Variants in HACE1 observed in about 807,000 individuals in gnomAD.
HACE1 encodes the protein E3 ubiquitin-protein ligase HACE1.
HACE1 carries 73 observed loss-of-function variants against 118.4 expected under a neutral mutation model. The ratio of observed to expected loss-of-function variants is 0.62; its 90% CI spans 0.51 to 0.75. The LOEUF (loss-of-function observed/expected upper bound fraction) is 0.75. Ranked by LOEUF, HACE1 falls within the 30% of genes least tolerant of loss-of-function variation. The pLI, the probability that HACE1 is intolerant of heterozygous loss-of-function variation, is 0.00. For missense variants in HACE1, 749 were observed against 1,102.2 expected (o/e 0.68, Z 4.54); for synonymous variants, 368 against 374.8 (o/e 0.98, Z 0.21).
chr6:104,779,223 A>G (rs1781500865), intron 14 of HACE1, among the ~76,000 whole-genome samples: 1 of 152,228 alleles, frequency 6.6e-6, no homozygotes, highest in South Asian at 2.1e-4. Flanking sequence ...CACAAAAGCT[A>G]AGAGTTTCAA....
chr6:104,831,547 T>C (rs1328338029), intron 6 of HACE1, among the ~76,000 whole-genome samples: 1 of 146,950 alleles, frequency 6.8e-6, no homozygotes, highest in Non-Finnish European at 1.5e-5. Context: ...ATTATGCCAC[T>C]GCACTCCAGC....
intron 14 of HACE1, among the ~76,000 whole-genome samples, chr6:104,783,331 C>T (rs1004639252): frequency 6.6e-6 from 1 of 152,180 alleles, no homozygotes; most frequent in African/African-American, 2.4e-5. Context: ...CTATTTTATA[C>T]ATATGTTTAT....
intron 6 of HACE1, among the ~76,000 whole-genome samples, chr6:104,829,323 T>G (rs1288628242): frequency 6.6e-6 from 1 of 152,088 alleles, no homozygotes; most frequent in African/African-American, 2.4e-5. Context: ...CATAGCCCAG[T>G]AAATCACATG....
At chr6:104,826,880 T>C (rs1773392065) in intron 6 of HACE1, among the ~76,000 whole-genome samples, 1 of 152,152 alleles carries the variant, frequency 6.6e-6, no homozygotes, top group Admixed American at 6.6e-5. Context: ...CCCCTAGTCA[T>C]TGATTATCTA....
In HACE1 at chr6:104,785,068, C is replaced by T; in HGVS notation, c.1326G>A (p.Gln442=). 6.2e-7 allele frequency: 1 copy of T among 1,613,824 alleles called. No homozygotes were observed. The highest frequency in any genetic ancestry group is 8.5e-7 in the Non-Finnish European group (1 of 1,179,872). ...AGRQEASADC[Q]DVISMTANRL... ...GGTTAGCTGTCATAGAAATAACATC[C>T]TGACAATCTGCACTGGCTTCCTGTC... is the stretch of plus-strand genomic sequence containing the variant. Residue 442 remains glutamine (Q), a synonymous_variant, in exon 12 of 24, where the codon CAG becomes CAA. Coordinates refer to ENST00000262903, the MANE Select transcript of HACE1 (RefSeq NM_020771.4).
At chr6:104,802,184 G>A (rs1428402784) in intron 7 of HACE1, among the ~76,000 whole-genome samples, 2 of 152,146 alleles carry the variant, frequency 1.3e-5, no homozygotes, top group Non-Finnish European at 2.9e-5. Context: ...AAATATATAT[G>A]CACTCAACAC....
Position 104,796,696 on chromosome 6 carries a change from T to G in HACE1, c.775A>C (p.Ile259Leu). The G allele has an allele frequency of 6.3e-7, 1 of 1,588,764 alleles. No individual in the cohort carries two copies. The highest frequency in any genetic ancestry group is 2.2e-5 in the East Asian group (1 of 44,664). ...IQYHPRLFQT[I>L]IQMTQNEDLR... Reference sequence around the variant, plus strand: ...TCTTCATTCTGTGTCATTTGAATAATAGTCTGAAAAAGCCTCGGGTGATAT... The same window carrying G: ...TCTTCATTCTGTGTCATTTGAATAAGAGTCTGAAAAAGCCTCGGGTGATAT... Residue 259 changes from isoleucine (I) to leucine (L), a missense_variant, in exon 9 of 24, where the codon ATT (isoleucine) becomes CTT (leucine). By Grantham distance (5) the Ile-to-Leu change is conservative. Coordinates refer to ENST00000262903, the MANE Select transcript of HACE1 (RefSeq NM_020771.4).
At chr6:104,792,236 C>T (rs188917177) in intron 10 of HACE1, among the ~76,000 whole-genome samples, 7 of 152,186 alleles carry the variant, frequency 4.6e-5, no homozygotes. Flanking sequence ...TAACGGGCTG[C>T]CTTATGACTA....
At chr6:104,803,338 G>C (rs1273478681) in intron 7 of HACE1, among the ~76,000 whole-genome samples, 2 of 152,166 alleles carry the variant, frequency 1.3e-5, no homozygotes, top group African/African-American at 4.8e-5. Context: ...AATAGAAAAA[G>C]AGGGAATCCT....
At chr6:104,819,990 T>A (rs1340072535) in intron 6 of HACE1, among the ~76,000 whole-genome samples, 1 of 151,636 alleles carries the variant, frequency 6.6e-6, no homozygotes, top group Non-Finnish European at 1.5e-5. Context: ...AGGTCAAGAG[T>A]TCGAGACCAC....
chr6:104,800,076 G>A (rs906620379), intron 7 of HACE1, among the ~76,000 whole-genome samples: 20 of 152,156 alleles, frequency 1.3e-4, no homozygotes, highest in African/African-American at 4.3e-4. Context: ...CTGGCTCAGC[G>A]GGTCCCATGC....
intron 19 of HACE1, among the ~76,000 whole-genome samples, chr6:104,751,040 C>T (rs1012558090): frequency 2.6e-5 from 4 of 152,186 alleles, no homozygotes; most frequent in African/African-American, 9.7e-5. Flanking sequence ...AATGATCTGG[C>T]CTCTGCCTTG....
intron 19 of HACE1, among the ~76,000 whole-genome samples, chr6:104,754,463 ACATCAGATTCCCCAAAGC>A (rs1778396346): frequency 6.6e-6 from 1 of 152,180 alleles, no homozygotes. Context: ...ATGTGTCTTC[ACATCAGATTCCCCAAAGC>A]CATCAGATTC....
intron 22 of HACE1, among the ~76,000 whole-genome samples, chr6:104,737,804 C>T (rs1242684582): frequency 6.6e-6 from 1 of 152,232 alleles, no homozygotes; most frequent in Non-Finnish European, 1.5e-5. Flanking sequence ...AGCGGGGAAG[C>T]CCGAACTGGG....
chr6:104,772,921 AATAG>A (rs1158045196), intron 17 of HACE1, among the ~76,000 whole-genome samples: 2 of 152,122 alleles, frequency 1.3e-5, no homozygotes. Flanking sequence ...AAGCTCTGAA[AATAG>A]ATAGTGGCCG....
At chr6:104,759,467 G>GT (rs1779088446) in intron 19 of HACE1, among the ~76,000 whole-genome samples, 1 of 152,014 alleles carries the variant, frequency 6.6e-6, no homozygotes, top group Non-Finnish European at 1.5e-5. Flanking sequence ...AATAACGAAA[G>GT]TAAGTCAGAA....
chr6:104,768,460 A>C (rs1466173905), intron 19 of HACE1, among the ~76,000 whole-genome samples: 1 of 152,178 alleles, frequency 6.6e-6, no homozygotes, highest in East Asian at 1.9e-4. Context: ...TGAATATCTT[A>C]ACAATTTTAA....
chr6:104,837,535 A>C (rs143957899), intron 5 of HACE1, among the ~76,000 whole-genome samples: 1 of 152,300 alleles, frequency 6.6e-6, no homozygotes, highest in Non-Finnish European at 1.5e-5. Context: ...AGAAACATAA[A>C]ACTTGTAGAA....
At position 104,731,893 on chromosome 6, in the gene HACE1, A is replaced by G. The variant is rs149806616; in HGVS notation, c.2514-1477T>C. On this transcript the variant is annotated intron_variant, in intron 22 of 23. Transcript: ENST00000262903. ...AGAAAAAAAAAAAAATCCCGATTAAAAATGGGCAAACAATTGAAAAAGACA... is the reference window on the plus strand; with the variant it reads ...AGAAAAAAAAAAAAATCCCGATTAAGAATGGGCAAACAATTGAAAAAGACA... 57 of 152,218 alleles carry G rather than the reference A, an allele frequency of 3.7e-4. 1 individual carries two copies. In the East Asian group the frequency reaches 0.01, roughly 27 times the overall value. 9.4% of individuals were successfully genotyped at this position (152,218 alleles called of 1,614,324 possible).
Sources: allele counts gnomAD v4.1 joint callset (sites outside exome capture counted in the v4.1 genomes callset), GRCh38; gene constraint gnomAD v4.1.1; transcripts MANE v1.5; gene names NCBI Gene and HGNC (gene_info 2026-07-23, HGNC 2026-07-21).